TTI1: variants seen among roughly 807,000 people sequenced by gnomAD.
TTI1 encodes the protein TELO2 interacting protein 1.
A neutral mutation model predicts 85.4 loss-of-function variants in TTI1; 52 were observed. The observed-to-expected ratio is 0.61, with a 90% CI of 0.49 to 0.77. The LOEUF is 0.77. Ranked by LOEUF, TTI1 falls within the 30% of genes least tolerant of loss-of-function variation. The probability of loss-of-function intolerance (pLI) is 0.00; values close to 1 mark genes in which losing one functional copy is unlikely to be tolerated. For missense variants in TTI1, 1,173 were observed against 1,296.0 expected (o/e 0.91, Z 1.46); for synonymous variants, 512 against 503.9 (o/e 1.02, Z -0.22).
chr20:38,012,890 T>A lies in TTI1; in HGVS notation c.927A>T (p.Glu309Asp). The change falls in exon 2 of 8, where the codon GAA (glutamate) becomes GAT (aspartate). Residue 309 changes from glutamate (E) to aspartate (D), a missense_variant. Transcript: ENST00000373447. The part of the protein sequence containing the change: ...SVHPHWKVRL[E>D]LVELVEDLLL... The stretch of plus-strand genomic sequence containing the variant: ...GAAGGTCCTCCACAAGTTCTACCAG[T>A]TCCAGTCTCACCTTCCAGTGTGGGT... 1 of 1,614,164 alleles carries A rather than the reference T, an allele frequency of 6.2e-7. No individual in the cohort carries two copies. Among genetic ancestry groups the A allele is most frequent in the Non-Finnish European group, 8.5e-7 (1 of 1,180,010 alleles).
intron 1 of TTI1, among the ~76,000 whole-genome samples, chr20:38,019,361 T>C (rs983449359): frequency 6.6e-6 from 1 of 152,190 alleles, no homozygotes; most frequent in Non-Finnish European, 1.5e-5. Context: ...CTTCTGTAGT[T>C]TGTGTATATA....
chr20:37,997,992 C>T (rs1423568505), intron 5 of TTI1, among the ~76,000 whole-genome samples: 2 of 152,136 alleles, frequency 1.3e-5, no homozygotes, highest in Non-Finnish European at 2.9e-5. Context: ...TGCAGTGGCA[C>T]GATCTTGGCT....
intron 2 of TTI1, among the ~76,000 whole-genome samples, chr20:38,010,169 G>A (rs2073561963): frequency 6.6e-6 from 1 of 152,192 alleles, no homozygotes; most frequent in Non-Finnish European, 1.5e-5. Context: ...GAATGCTCAT[G>A]CATGAATAAA....
rs1343335556 is a variant in TTI1, at chr20:38,020,320, AAAAATATAT to A, written c.-41-6472_-41-6464del. On this transcript the variant is annotated intron_variant, in intron 1 of 7. Coordinates refer to ENST00000373447, the MANE Select transcript of TTI1 (RefSeq NM_001303457.2). ...CTTGGCTACTCATATGAAAAAAAAA[AAAAATATAT>A]ATATATATATATATATATATATATG... 7.6e-4 allele frequency among the ~76,000 whole-genome samples: 61 copies of A among 80,268 alleles called. 1 individual carries two copies. The highest frequency in any genetic ancestry group is 1.3e-3 in the African/African-American group (23 of 18,164). 52.7% of individuals were successfully genotyped at this position (80,268 alleles called of 152,430 possible).
At chr20:37,997,706 CT>C (rs1568612868) in intron 5 of TTI1, among the ~76,000 whole-genome samples, 1 of 152,160 alleles carries the variant, frequency 6.6e-6, no homozygotes, top group Non-Finnish European at 1.5e-5. Flanking sequence ...GAACAAGGCT[CT>C]CATTTTAGGT....
chr20:38,011,446 A>C lies in TTI1; in HGVS notation c.2302+69T>G, dbSNP rs147336295. 2.5e-3 allele frequency: 3,801 copies of C among 1,536,004 alleles called. 31 individuals are homozygous for C. The highest frequency in any genetic ancestry group is 0.02 in the African/African-American group (1,479 of 72,462). ...ATCACCACAAACAATGCAAAAAACGAGGCTAAGCAAACTAGGAGACTGAGT... is the reference window on the plus strand; with the variant it reads ...ATCACCACAAACAATGCAAAAAACGCGGCTAAGCAAACTAGGAGACTGAGT... On this transcript the variant is annotated intron_variant, in intron 2 of 7. Transcript: ENST00000373447.
In TTI1 at chr20:37,983,608, C is replaced by G; in HGVS notation, c.3118G>C (p.Asp1040His). ...TCGTTCAGGAGGAACCAGGTGGAGTCTGGGTCCACCTTCATCAAGTGGAGG... is the reference window on the plus strand; with the variant it reads ...TCGTTCAGGAGGAACCAGGTGGAGTGTGGGTCCACCTTCATCAAGTGGAGG... Reference protein sequence around the residue: ...VFLHLMKVDPDSTWFLLNELY... With the variant: ...VFLHLMKVDPHSTWFLLNELY... Residue 1040 changes from aspartate to histidine, a missense_variant, in exon 8 of 8, where the codon GAC becomes CAC. Transcript: ENST00000373447. 3.2e-6 allele frequency: 5 copies of G among 1,544,964 alleles called. No individual in the cohort carries two copies. Among genetic ancestry groups the G allele is most frequent in the Non-Finnish European group, 4.4e-6 (5 of 1,144,366 alleles).
At chr20:37,997,319 C>T (rs751416606) in intron 5 of TTI1, among the ~76,000 whole-genome samples, 1 of 151,962 alleles carries the variant, frequency 6.6e-6, no homozygotes, top group Non-Finnish European at 1.5e-5. Context: ...TCCTAACATC[C>T]CTTGAGAAAA....
rs115124925 is a variant in TTI1, at chr20:38,001,115, T to A, written c.2652+1513A>T. 9.3e-3 allele frequency among the ~76,000 whole-genome samples: 1,410 copies of A among 152,336 alleles called. 24 individuals carry two copies. The highest frequency in any genetic ancestry group is 0.033 in the African/African-American group (1,354 of 41,586). ...TCCCCACAAAAGACAGGGAGTTCCA[T>A]GAAGACAGGGATTGTGTCTGCATCA... On this transcript the variant is annotated intron_variant, in intron 4 of 7. Transcript: ENST00000373447.
In TTI1 at chr20:37,993,118, T is replaced by C. The variant is rs866174903; in HGVS notation, c.3086+3257A>G. ...GGGACTTTGGGGGAGCTGGCTTTTT[T>C]TTTTTTTTTTTGCATTGCCAGTTAA... On this transcript the variant is annotated intron_variant, in intron 7 of 7. Transcript: ENST00000373447. Among the ~76,000 whole-genome samples, 1,141 of 151,308 alleles carry C rather than the reference T, an allele frequency of 7.5e-3. 7 individuals are homozygous for C. The highest frequency in any genetic ancestry group is 0.021 in the African/African-American group (881 of 41,228).
At chr20:38,020,323 A>ATATATATATATATATATATAT (rs1555795789) in intron 1 of TTI1, among the ~76,000 whole-genome samples, 76 of 50,322 alleles carry the variant, frequency 1.5e-3, no homozygotes, top group Non-Finnish European at 2.1e-3. Context: ...AAAAAAAAAA[A>ATATATATATATATATATATAT]ATATATATAT....
chr20:38,032,433 C>T (rs556825253), intron 1 of TTI1, among the ~76,000 whole-genome samples: 4 of 152,290 alleles, frequency 2.6e-5, no homozygotes, highest in Non-Finnish European at 5.9e-5. Flanking sequence ...AGTTATACCA[C>T]GATCAGGAAA....
Position 37,996,760 on chromosome 20 carries a change from C to A in TTI1, c.2987G>T (p.Arg996Ile). 6.2e-7 allele frequency: 1 copy of A among 1,609,982 alleles called. No homozygotes were observed. The highest frequency in any genetic ancestry group is 8.5e-7 in the Non-Finnish European group (1 of 1,177,124). ...VLQGLGPLCERLDLGEGDLNK... is the reference protein window; with the variant it reads ...VLQGLGPLCEILDLGEGDLNK... Reference sequence around the variant, plus strand: ...TGCCTGGTACCCACCTAGGTCCAGTCTCTCACAGAGGGGGCCCAGGCCCTG... The same window carrying A: ...TGCCTGGTACCCACCTAGGTCCAGTATCTCACAGAGGGGGCCCAGGCCCTG... Residue 996 changes from arginine to isoleucine, a missense_variant, in exon 6 of 8, where the codon AGA (arginine) becomes ATA (isoleucine). Arg to Ile is a moderately conservative substitution (Grantham distance 97, BLOSUM62 -3). Coordinates refer to ENST00000373447, the MANE Select transcript of TTI1 (RefSeq NM_001303457.2).
intron 1 of TTI1, among the ~76,000 whole-genome samples, chr20:38,026,604 A>T (rs1297741741): frequency 6.6e-6 from 1 of 152,226 alleles, no homozygotes; most frequent in Non-Finnish European, 1.5e-5. Context: ...ATGAAGTGGA[A>T]ATCAAGACTT....
chr20:37,983,718 G>C, intron 7 of TTI1, 79 bp from the exon 8 acceptor site: 1 of 1,277,392 alleles, frequency 7.8e-7, no homozygotes. Flanking sequence ...CCAGGAGGCT[G>C]TTTACCAGGC....
At position 37,983,038 on chromosome 20, in the gene TTI1, G is replaced by A. The variant is rs2073142745; in HGVS notation, c.*418C>T. On this transcript the variant is annotated 3_prime_UTR_variant, in exon 8 of 8. Coordinates refer to ENST00000373447, the MANE Select transcript of TTI1 (RefSeq NM_001303457.2). ...TTTGATCATACTTTTCATCCAAGAA[G>A]TGTCTTTATTTCCGTTTGTTTCCCA... is the stretch of plus-strand genomic sequence containing the variant. The A allele has an allele frequency of 6.4e-6, 1 of 156,836 alleles. No individual in the cohort carries two copies. Among genetic ancestry groups the A allele is most frequent in the Admixed American group, 6.2e-5 (1 of 16,144 alleles). 9.7% of individuals were successfully genotyped at this position (156,836 alleles called of 1,614,324 possible). A position where few individuals can be genotyped will look rare whatever the true frequency, so the allele number is the denominator to read the frequency against.
chr20:38,013,327 G>A lies in TTI1; in HGVS notation c.490C>T (p.Gln164Ter). 6.2e-7 allele frequency: 1 copy of A among 1,614,094 alleles called. No individual in the cohort carries two copies. The highest frequency in any genetic ancestry group is 8.5e-7 in the Non-Finnish European group (1 of 1,180,022). Residue 164 changes from glutamine to a stop codon, truncating the protein, a stop_gained, in exon 2 of 8, where the codon CAG (glutamine) becomes TAG (stop). Transcript: ENST00000373447. LOFTEE classifies it high-confidence loss of function. The stretch of plus-strand genomic sequence containing the variant: ...ATTTTAATTTGCTTTGATTTCTCCT[G>A]TTCTGCAAGGCCTAACAGTAAAGAT... The part of the protein sequence containing the change: ...AVSLLLGLAE[Q>*]EKSKQIKIAA...
chr20:38,026,301 A>AG (rs2073835982), intron 1 of TTI1, among the ~76,000 whole-genome samples: 1 of 152,170 alleles, frequency 6.6e-6, no homozygotes, highest in Non-Finnish European at 1.5e-5. Context: ...CTGGGATTAC[A>AG]GGTGGGCACC....
At chr20:38,031,858 G>GT (rs1394415197) in intron 1 of TTI1, among the ~76,000 whole-genome samples, 4 of 152,182 alleles carry the variant, frequency 2.6e-5, no homozygotes, top group African/African-American at 9.7e-5. Flanking sequence ...AATAGTGATT[G>GT]TAATAATTTC....
Sources: gnomAD v4.1 joint callset for allele counts (sites outside exome capture counted in the v4.1 genomes callset) on GRCh38, gnomAD v4.1.1 for gene constraint, MANE v1.5 for transcripts, NCBI Gene and HGNC (gene_info 2026-07-23, HGNC 2026-07-21) for gene names.